TMPRSS2: variants seen among roughly 807,000 people sequenced by gnomAD.
TMPRSS2 encodes transmembrane serine protease 2.
A neutral mutation model predicts 67.4 loss-of-function variants in TMPRSS2; 59 were observed. The observed-to-expected ratio is 0.88, with a 90% CI of 0.71 to 1.09. The LOEUF is 1.09. Ranked by LOEUF, TMPRSS2 falls within the 50% of genes least tolerant of loss-of-function variation. The pLI is 0.00. For missense variants in TMPRSS2, 668 were observed against 642.7 expected, an observed-to-expected ratio of 1.04 and a Z score of -0.43; for synonymous variants, 257 against 257.0, an observed-to-expected ratio of 1.00 and a Z score of 0.00.
rs774013018 is a variant in TMPRSS2 at position 41,480,535 on chromosome 21, C to T, written c.513G>A (p.Val171=). ...YSSQRKSWHP[V]CQDDWNENYG... ...AGTTCTCGTTCCAGTCGTCTTGGCACACAGGGTGCCAGGACTTCCTCTGAG... is the reference window on the plus strand; with the variant it reads ...AGTTCTCGTTCCAGTCGTCTTGGCATACAGGGTGCCAGGACTTCCTCTGAG... Residue 171 remains valine, a synonymous_variant, in exon 6 of 14, where the codon GTG becomes GTA. Transcript: ENST00000332149. 17 of 1,613,744 alleles carry T rather than the reference C, an allele frequency of 1.1e-5. No individual in the cohort carries two copies. The highest frequency in any genetic ancestry group is 6.7e-5 in the African/African-American group (5 of 74,948).
At chr21:41,473,582 C>T (rs2091154979) in intron 8 of TMPRSS2, 86 bp from the exon 9 acceptor site, 3 of 1,429,874 alleles carry the variant, frequency 2.1e-6, no homozygotes, top group African/African-American at 2.8e-5. Context: ...AAGGGTCTCC[C>T]AGGCTGCAAG....
At chr21:41,467,234 C>G (rs1226753577) in intron 13 of TMPRSS2, among the ~76,000 whole-genome samples, 1 of 152,100 alleles carries the variant, frequency 6.6e-6, no homozygotes, top group Admixed American at 6.5e-5. Context: ...ACTAAAAATA[C>G]AAAAAGTAGC....
At chr21:41,469,849 C>T (rs1601561096) in intron 11 of TMPRSS2, among the ~76,000 whole-genome samples, 1 of 152,174 alleles carries the variant, frequency 6.6e-6, no homozygotes, top group Admixed American at 6.5e-5. Flanking sequence ...CCAGCCTGTA[C>T]TAGGTGCAGG....
chr21:41,504,221 A>G (rs575313753), intron 1 of TMPRSS2, among the ~76,000 whole-genome samples: 98 of 152,238 alleles, frequency 6.4e-4, no homozygotes, highest in African/African-American at 2.3e-3. Context: ...CACAACCACA[A>G]GCCAAGGTGC....
intron 9 of TMPRSS2, 72 bp downstream of exon 9, chr21:41,473,253 C>A (rs990674063): frequency 7.4e-6 from 11 of 1,476,604 alleles, no homozygotes; most frequent in Non-Finnish European, 9.1e-6. Flanking sequence ...AGGGTTGAGA[C>A]CTGCTCAAGG....
chr21:41,503,204 C>T (rs1308693805), intron 1 of TMPRSS2, among the ~76,000 whole-genome samples: 2 of 152,208 alleles, frequency 1.3e-5, no homozygotes, highest in East Asian at 1.9e-4. Context: ...ACCCAGACAA[C>T]ACCAGCAGCC....
At chr21:41,504,395 A>G (rs2091443772) in intron 1 of TMPRSS2, among the ~76,000 whole-genome samples, 1 of 152,180 alleles carries the variant, frequency 6.6e-6, no homozygotes, top group South Asian at 2.1e-4. Context: ...CCTGTCTTCG[A>G]GTTTCCTGCC....
rs1457316234 is a variant in TMPRSS2, at chr21:41,480,642, T to C, written c.446-40A>G. On this transcript the variant is annotated intron_variant, in intron 5 of 13. Coordinates refer to ENST00000332149, the MANE Select transcript of TMPRSS2 (RefSeq NM_005656.4). ...GGATTATCCATGAGTTTCTTTCTTTTTTTTTCTTTTTTTTGAGACGGAGTC... is the reference window on the plus strand; with the variant it reads ...GGATTATCCATGAGTTTCTTTCTTTCTTTTTCTTTTTTTTGAGACGGAGTC... The C allele has an allele frequency of 9.3e-6, 15 of 1,606,334 alleles. No individual in the cohort carries two copies. The Admixed American group carries it at 1.4e-4, about 14-fold the overall frequency.
chr21:41,490,711 G>A (rs1302618940), intron 3 of TMPRSS2, among the ~76,000 whole-genome samples: 2 of 152,388 alleles, frequency 1.3e-5, no homozygotes, highest in African/African-American at 4.8e-5. Flanking sequence ...AGGTGCCAGA[G>A]AGGCATGGCA....
At chr21:41,495,458 T>A (rs924152500) in intron 2 of TMPRSS2, among the ~76,000 whole-genome samples, 2 of 151,752 alleles carry the variant, frequency 1.3e-5, no homozygotes, top group Non-Finnish European at 2.9e-5. Context: ...ACCCCATCTG[T>A]ACTAAAAATA....
rs562177468 is a variant in TMPRSS2, at chr21:41,473,834, A to G, written c.728-338T>C. 5.4e-5 allele frequency among the ~76,000 whole-genome samples: 8 copies of G among 148,618 alleles called. No homozygotes were observed. The South Asian group carries it at 1.8e-3, about 33-fold the overall frequency. ...CTCAGGGACCCCAGATTCTCACACA[A>G]AGAAAAGGAAGATGGGAGGGGCAGG... is the stretch of plus-strand genomic sequence containing the variant. On this transcript the variant is annotated intron_variant, in intron 8 of 13. Coordinates refer to ENST00000332149, the MANE Select transcript of TMPRSS2 (RefSeq NM_005656.4).
chr21:41,467,158 G>T (rs901753924), intron 13 of TMPRSS2, among the ~76,000 whole-genome samples: 1 of 152,194 alleles, frequency 6.6e-6, no homozygotes, highest in Non-Finnish European at 1.5e-5. Flanking sequence ...GGAGGCTGAG[G>T]TGGGTGAATC....
At chr21:41,498,668 T>C (rs965747203) in intron 1 of TMPRSS2, among the ~76,000 whole-genome samples, 1 of 152,156 alleles carries the variant, frequency 6.6e-6, no homozygotes, top group African/African-American at 2.4e-5. Flanking sequence ...CAAGGGAGAC[T>C]GTATGGCATA....
At position 41,471,688 on chromosome 21, in the gene TMPRSS2, C is replaced by T. The variant is rs551100726; in HGVS notation, c.1075+118G>A. The T allele has an allele frequency of 3.5e-5, 43 of 1,231,404 alleles. No homozygotes were observed. In the South Asian group the frequency reaches 4.2e-4, roughly 12 times the overall value. 76.3% of individuals were successfully genotyped at this position (1,231,404 alleles called of 1,614,324 possible). A position where few individuals can be genotyped will look rare whatever the true frequency, so the allele number is the denominator to read the frequency against. ...CCTCTCCCATTGGCCACCCGCTGCACGCTACCCTCGCTCAACGCAAATGCC... is the reference window on the plus strand; with the variant it reads ...CCTCTCCCATTGGCCACCCGCTGCATGCTACCCTCGCTCAACGCAAATGCC... On this transcript the variant is annotated intron_variant, in intron 10 of 13. Transcript: ENST00000332149.
chr21:41,468,588 C>T, intron 11 of TMPRSS2, 50 bp from the exon 12 acceptor site: 2 of 1,604,392 alleles, frequency 1.2e-6, no homozygotes, highest in Non-Finnish European at 1.7e-6. Context: ...GCAGCTCTCG[C>T]AGGGAGAGCA....
chr21:41,468,897 A>G, intron 11 of TMPRSS2: 1 of 233,762 alleles, frequency 4.3e-6, no homozygotes, highest in Non-Finnish European at 8.6e-6. Context: ...CAGGACACAC[A>G]GGCGCCTGTT....
intron 1 of TMPRSS2, among the ~76,000 whole-genome samples, chr21:41,501,493 C>A (rs774760207): frequency 6.6e-6 from 1 of 151,698 alleles, no homozygotes; most frequent in South Asian, 2.1e-4. Flanking sequence ...CCTGTAATCC[C>A]AGCTACTTGG....
At chr21:41,500,654 G>A (rs1163344653) in intron 1 of TMPRSS2, among the ~76,000 whole-genome samples, 3 of 152,230 alleles carry the variant, frequency 2.0e-5, no homozygotes, top group African/African-American at 4.8e-5. Flanking sequence ...ACCAGGTCAT[G>A]TTGTAGCTTT....
At chr21:41,484,906 G>T (rs1262796188) in intron 5 of TMPRSS2, among the ~76,000 whole-genome samples, 1 of 152,146 alleles carries the variant, frequency 6.6e-6, no homozygotes, top group Admixed American at 6.5e-5. Context: ...GTCCAGGATG[G>T]TATCCAGTGC....
Sources: gnomAD v4.1 joint callset for allele counts (sites outside exome capture counted in the v4.1 genomes callset) on GRCh38, gnomAD v4.1.1 for gene constraint, MANE v1.5 for transcripts, NCBI Gene and HGNC (gene_info 2026-07-23, HGNC 2026-07-21) for gene names.